The following LRFN2 variants were observed in gnomAD, a reference collection of about 807,000 sequenced individuals.
LRFN2 encodes the protein leucine-rich repeat and fibronectin type-III domain-containing protein 2.
Under a neutral mutation model 37.3 loss-of-function variants are expected in LRFN2, and 18 were observed. The ratio of observed to expected loss-of-function variants is 0.48; its 90% CI spans 0.33 to 0.72. The LOEUF (loss-of-function observed/expected upper bound fraction) is 0.72. Among genes scored for constraint, LRFN2 ranks in the 30% least tolerant of loss-of-function variants. The probability of loss-of-function intolerance (pLI) is 0.02; values close to 1 mark genes in which losing one functional copy is unlikely to be tolerated. For missense variants in LRFN2, 1,006 were observed against 1,060.7 expected (o/e 0.95, Z 0.72); for synonymous variants, 556 against 466.6 (o/e 1.19, Z -2.47).
chr6:40,405,512 A>C (rs920710519), intron 2 of LRFN2, among the ~76,000 whole-genome samples: 1 of 152,192 alleles, frequency 6.6e-6, no homozygotes, highest in African/African-American at 2.4e-5. Context: ...TAAGCCCCGC[A>C]TGAGGGTCTG....
chr6:40,582,126 C>A (rs972775013), intron 1 of LRFN2, among the ~76,000 whole-genome samples: 7 of 152,034 alleles, frequency 4.6e-5, no homozygotes, highest in African/African-American at 1.2e-4. Flanking sequence ...CAAGAGGGAG[C>A]CTGCTCCTCT....
chr6:40,469,251 G>A (rs937302145), intron 1 of LRFN2, among the ~76,000 whole-genome samples: 1 of 152,160 alleles, frequency 6.6e-6, no homozygotes, highest in African/African-American at 2.4e-5. Context: ...CTCCCCTACA[G>A]CCTTCAGAGG....
At chr6:40,491,381 C>G (rs1765090844) in intron 1 of LRFN2, among the ~76,000 whole-genome samples, 1 of 152,218 alleles carries the variant, frequency 6.6e-6, no homozygotes, top group South Asian at 2.1e-4. Flanking sequence ...GTGGAAGACA[C>G]AAGATTTCCT....
chr6:40,500,039 C>T (rs1447582976), intron 1 of LRFN2, among the ~76,000 whole-genome samples: 1 of 152,242 alleles, frequency 6.6e-6, no homozygotes, highest in African/African-American at 2.4e-5. Context: ...CGTGGCAGGC[C>T]TCTCCAGCTC....
At position 40,583,082 on chromosome 6, in the gene LRFN2, G is replaced by C. The variant is rs547699204; in HGVS notation, c.-19+3859C>G. 2.6e-5 allele frequency among the ~76,000 whole-genome samples: 4 copies of C among 152,218 alleles called. No homozygotes were observed. The East Asian group carries it at 7.7e-4, about 29-fold the overall frequency. ...ATTTTAAGACAATGCATCCTCAGTG[G>C]GGACAATATCGCCCCCAAGGGGGCA... On this transcript the variant is annotated intron_variant, in intron 1 of 2. Coordinates refer to ENST00000338305, the MANE Select transcript of LRFN2 (RefSeq NM_020737.3).
At chr6:40,460,396 G>A (rs746097914) in intron 1 of LRFN2, among the ~76,000 whole-genome samples, 1 of 152,044 alleles carries the variant, frequency 6.6e-6, no homozygotes, top group Admixed American at 6.6e-5. Context: ...ATTGGTTGGT[G>A]AGGCTCTCAT....
intron 1 of LRFN2, among the ~76,000 whole-genome samples, chr6:40,532,795 C>T (rs1361967927): frequency 1.3e-5 from 2 of 152,222 alleles, no homozygotes; most frequent in Admixed American, 6.5e-5. Flanking sequence ...GGGATGGGAG[C>T]TCATTAAGGG....
rs1763508928 is a variant in LRFN2, at chr6:40,432,098, T to C, written c.1016A>G (p.Tyr339Cys). The C allele has an allele frequency of 6.2e-7, 1 of 1,614,008 alleles. No individual in the cohort carries two copies. The highest frequency in any genetic ancestry group is 1.1e-5 in the South Asian group (1 of 91,084). Residue 339 changes from tyrosine to cysteine, a missense_variant, in exon 2 of 3, where the codon TAT (tyrosine) becomes TGT (cysteine). This residue lies in a region of LRFN2 where 303 missense variants were observed against 299.8 expected (regional missense o/e 1.01). Transcript: ENST00000338305. ...LVGNSSRTAV[Y>C]DNGTLDIFIT... ...GAAGATGTCCAGGGTGCCATTGTCATAGACAGCGGTCCTTGAGGAGTTCCC... is the reference window on the plus strand; with the variant it reads ...GAAGATGTCCAGGGTGCCATTGTCACAGACAGCGGTCCTTGAGGAGTTCCC...
At chr6:40,523,445 C>T (rs1297793082) in intron 1 of LRFN2, among the ~76,000 whole-genome samples, 2 of 151,480 alleles carry the variant, frequency 1.3e-5, no homozygotes, top group East Asian at 3.9e-4. Context: ...AATCATAAAG[C>T]CAACTCTCTT....
intron 1 of LRFN2, among the ~76,000 whole-genome samples, chr6:40,497,208 C>T (rs1400455321): frequency 2.6e-5 from 4 of 152,144 alleles, no homozygotes; most frequent in African/African-American, 9.7e-5. Flanking sequence ...TGCCCCTTGC[C>T]TCAGCTTCAG....
At chr6:40,477,466 C>T (rs1360767936) in intron 1 of LRFN2, among the ~76,000 whole-genome samples, 12 of 152,208 alleles carry the variant, frequency 7.9e-5, no homozygotes. Flanking sequence ...GTGTCTTTCA[C>T]AAGGTCACAC....
At chr6:40,580,717 G>A (rs764232880) in intron 1 of LRFN2, among the ~76,000 whole-genome samples, 2 of 152,300 alleles carry the variant, frequency 1.3e-5, no homozygotes, top group African/African-American at 4.8e-5. Flanking sequence ...AATGGCACCC[G>A]CCCATGTCTT....
intron 1 of LRFN2, among the ~76,000 whole-genome samples, chr6:40,482,590 C>CT (rs1297498634): frequency 6.6e-6 from 1 of 152,110 alleles, no homozygotes; most frequent in Non-Finnish European, 1.5e-5. Flanking sequence ...TTTCTTTTTT[C>CT]TTTTTCAAAG....
Position 40,433,203 on chromosome 6 carries a change from C to T in LRFN2, c.-18-72G>A, listed in dbSNP as rs1763558778. ...TGCACTCACCCAGAGCTTCCTCCCTCACATTAACCCTCACTGCCTTAGGGA... is the reference window on the plus strand; with the variant it reads ...TGCACTCACCCAGAGCTTCCTCCCTTACATTAACCCTCACTGCCTTAGGGA... On this transcript the variant is annotated intron_variant, in intron 1 of 2. Transcript: ENST00000338305. The T allele has an allele frequency of 9.2e-6, 12 of 1,300,662 alleles. No homozygotes were observed. The South Asian group carries it at 1.3e-4, about 14-fold the overall frequency. 80.6% of individuals were successfully genotyped at this position (1,300,662 alleles called of 1,614,324 possible).
intron 1 of LRFN2, among the ~76,000 whole-genome samples, chr6:40,519,852 G>A (rs1276726442): frequency 6.6e-6 from 1 of 152,198 alleles, no homozygotes; most frequent in East Asian, 1.9e-4. Context: ...ATGAAATGAT[G>A]AGTAAGATTT....
intron 1 of LRFN2, among the ~76,000 whole-genome samples, chr6:40,579,981 A>C (rs1237700103): frequency 6.6e-6 from 1 of 152,208 alleles, no homozygotes; most frequent in Non-Finnish European, 1.5e-5. Flanking sequence ...AGTTTGAAGG[A>C]AGTGAAGGTA....
chr6:40,410,397 G>C (rs141285701), intron 2 of LRFN2, among the ~76,000 whole-genome samples: 1 of 152,114 alleles, frequency 6.6e-6, no homozygotes, highest in East Asian at 1.9e-4. Flanking sequence ...GCAGCAGCAC[G>C]TCCCTGACCC....
Position 40,479,880 on chromosome 6 carries a change from T to A in LRFN2, c.-18-46749A>T, listed in dbSNP as rs952625233. Among the ~76,000 whole-genome samples the A allele has an allele frequency of 3.3e-5, 5 of 152,270 alleles. No individual in the cohort carries two copies. In the East Asian group the frequency reaches 7.7e-4, roughly 23 times the overall value. ...TGCCAGCCCTAAGAATCTGTGCTGC[T>A]GTGAAATAAGTTTGGAAAAAATAAT... is the stretch of plus-strand genomic sequence containing the variant. On this transcript the variant is annotated intron_variant, in intron 1 of 2. Transcript: ENST00000338305.
intron 1 of LRFN2, among the ~76,000 whole-genome samples, chr6:40,440,495 T>TG (rs1763808416): frequency 2.0e-5 from 3 of 151,446 alleles, no homozygotes; most frequent in South Asian, 2.1e-4. Context: ...AATGAATGAA[T>TG]AAATGAATGA....
Sources: gnomAD v4.1 joint callset for allele counts (sites outside exome capture counted in the v4.1 genomes callset) on GRCh38, gnomAD v4.1.1 for gene constraint, gnomAD v4.1.1 regional missense constraint, MANE v1.5 for transcripts, NCBI Gene and HGNC (gene_info 2026-07-23, HGNC 2026-07-21) for gene names.